The following CNTN6 variants were observed in gnomAD, a reference collection of about 807,000 sequenced individuals.
CNTN6 encodes contactin 6.
In CNTN6, 137 loss-of-function variants were observed where a neutral mutation model predicts 122.8. The observed-to-expected ratio is 1.12, with a 90% CI of 0.97 to 1.29. The LOEUF (loss-of-function observed/expected upper bound fraction) is 1.29. Ranked by LOEUF, CNTN6 falls within the 50% of genes most tolerant of loss-of-function variation. The probability of loss-of-function intolerance (pLI) is 0.00; values close to 1 mark genes in which losing one functional copy is unlikely to be tolerated. For missense variants in CNTN6, 1,634 were observed against 1,223.4 expected (o/e 1.34, Z -5.01); for synonymous variants, 570 against 426.0 (o/e 1.34, Z -4.16).
chr3:1,114,666 T>C (rs1030357163), intron 1 of CNTN6, among the ~76,000 whole-genome samples: 3 of 152,134 alleles, frequency 2.0e-5, no homozygotes, highest in Non-Finnish European at 2.9e-5. Context: ...AAGATAATTA[T>C]TGATGATGGT....
intron 2 of CNTN6, among the ~76,000 whole-genome samples, chr3:1,160,344 G>GTATGTATATATA (rs1158623079): frequency 9.0e-6 from 1 of 111,112 alleles, no homozygotes; most frequent in Non-Finnish European, 1.8e-5. Context: ...TACTTTTACT[G>GTATGTATATATA]TATATATATA....
At position 1,247,723 on chromosome 3, in the gene CNTN6, A is replaced by G. The variant is rs532975412; in HGVS notation, c.358+19730A>G. ...GAACCTGCATCAAGAGCAGTGGGTG[A>G]TTCCGTGGATTATAGTCCCCTCACA... On this transcript the variant is annotated intron_variant, in intron 4 of 22. Transcript: ENST00000446702. 5.3e-4 allele frequency among the ~76,000 whole-genome samples: 81 copies of G among 152,330 alleles called. 2 individuals carry two copies. Among genetic ancestry groups the G allele is most frequent in the Non-Finnish European group, 2.9e-5 (2 of 68,030 alleles).
intron 1 of CNTN6, among the ~76,000 whole-genome samples, chr3:1,098,675 A>C (rs924484254): frequency 6.0e-5 from 9 of 150,340 alleles, no homozygotes; most frequent in African/African-American, 2.2e-4. Context: ...TTTTTTAAAG[A>C]TGGGCAGTTT....
chr3:1,300,208 G>C (rs925395583), intron 7 of CNTN6, among the ~76,000 whole-genome samples: 1 of 152,040 alleles, frequency 6.6e-6, no homozygotes, highest in African/African-American at 2.4e-5. Flanking sequence ...GGATGGTCTC[G>C]ATCTGCTGAC....
intron 11 of CNTN6, among the ~76,000 whole-genome samples, chr3:1,345,402 C>T (rs1050447483): frequency 8.5e-5 from 13 of 152,134 alleles, no homozygotes; most frequent in African/African-American, 3.1e-4. Context: ...AGGCATGAAC[C>T]ACCATGCCCA....
Position 1,385,625 on chromosome 3 carries a change from A to G in CNTN6, c.2532A>G (p.Thr844=). The stretch of plus-strand genomic sequence containing the variant: ...TTAATTATCAGGTCTTATACTGGAC[A>G]GATGACTCCAAAGAATCCATGATAG... ...RVLGYEVLYW[T]DDSKESMIGK... is the part of the protein sequence containing the mutation. The change falls in exon 20 of 23, where the codon ACA becomes ACG. Residue 844 remains threonine (T), a synonymous_variant. Coordinates refer to ENST00000446702, the MANE Select transcript of CNTN6 (RefSeq NM_001289080.2). 6.2e-7 allele frequency: 1 copy of G among 1,613,720 alleles called. No individual in the cohort carries two copies. The highest frequency in any genetic ancestry group is 8.5e-7 in the Non-Finnish European group (1 of 1,179,754).
At position 1,385,748 on chromosome 3, in the gene CNTN6, T is replaced by TGGGACAGGGCCC. The variant is rs1692794003; in HGVS notation, c.2656_2667dup (p.Gly886_Pro889dup). 1 of 1,613,938 alleles carries TGGGACAGGGCCC rather than the reference T, an allele frequency of 6.2e-7. No individual in the cohort carries two copies. Among genetic ancestry groups the TGGGACAGGGCCC allele is most frequent in the Admixed American group, 1.7e-5 (1 of 59,984 alleles). On this transcript the variant is annotated inframe_insertion, in exon 20 of 23. Transcript: ENST00000446702. ...CTTCCGTAAGAGCTTACAACACTGCTGGGACAGGGCCCTCAAGCCCCCCAG... is the reference window on the plus strand; with the variant it reads ...CTTCCGTAAGAGCTTACAACACTGCTGGGACAGGGCCCGGGACAGGGCCCTCAAGCCCCCCAG...
chr3:1,294,453 G>A (rs961102), intron 5 of CNTN6, among the ~76,000 whole-genome samples: 67,963 of 151,934 alleles, frequency 0.45, 18,228 homozygotes, highest in East Asian at 0.78. Context: ...AACAGGGGAG[G>A]ATTTCTGAAG....
At chr3:1,278,578 T>G in intron 5 of CNTN6, 70 bp downstream of exon 5, 2 of 1,008,228 alleles carry the variant, frequency 2.0e-6, no homozygotes, top group Non-Finnish European at 3.0e-6. Flanking sequence ...ACATCAGGTC[T>G]TAGGCTCAGT....
chr3:1,347,030 C>T (rs1008201538), intron 11 of CNTN6, among the ~76,000 whole-genome samples: 1 of 152,138 alleles, frequency 6.6e-6, no homozygotes, highest in African/African-American at 2.4e-5. Flanking sequence ...CTGCCTTCAA[C>T]TTATCAGTTA....
chr3:1,291,935 C>G (rs1695396454), intron 5 of CNTN6, among the ~76,000 whole-genome samples: 1 of 152,022 alleles, frequency 6.6e-6, no homozygotes, highest in African/African-American at 2.4e-5. Context: ...ATACTTGATC[C>G]AAAAGTATAG....
At chr3:1,369,371 C>T (rs931716986) in intron 12 of CNTN6, among the ~76,000 whole-genome samples, 59 of 136,878 alleles carry the variant, frequency 4.3e-4, no homozygotes, top group African/African-American at 1.5e-3. Flanking sequence ...ATCTTTTTGA[C>T]TTGCTGCGGG....
intron 1 of CNTN6, among the ~76,000 whole-genome samples, chr3:1,126,206 C>T (rs760111173): frequency 1.4e-4 from 21 of 151,862 alleles, no homozygotes; most frequent in Non-Finnish European, 3.1e-4. Flanking sequence ...CTCCATTCCT[C>T]ACTGGAAAAT....
At chr3:1,128,940 T>C (rs1413848462) in intron 1 of CNTN6, among the ~76,000 whole-genome samples, 2 of 152,060 alleles carry the variant, frequency 1.3e-5, no homozygotes, top group African/African-American at 2.4e-5. Context: ...TTATCTTCTC[T>C]AATCTTCACT....
chr3:1,402,344 T>C lies in CNTN6; in HGVS notation c.2844T>C (p.Ser948=). The C allele has an allele frequency of 1.9e-6, 3 of 1,610,780 alleles. No individual in the cohort carries two copies. The highest frequency in any genetic ancestry group is 2.5e-6 in the Non-Finnish European group (3 of 1,178,566). ...YKILYRQNRQ[S]KTHILETNNT... Reference sequence around the variant, plus strand: ...TTCTGTACCGGCAAAACAGACAGAGTAAAACTCATATTTTGGAAACAAACA... The same window carrying C: ...TTCTGTACCGGCAAAACAGACAGAGCAAAACTCATATTTTGGAAACAAACA... The change falls in exon 22 of 23, where the codon AGT becomes AGC. Residue 948 remains serine, a synonymous_variant. Transcript: ENST00000446702.
At chr3:1,312,099 T>A (rs1004352309) in intron 7 of CNTN6, among the ~76,000 whole-genome samples, 1 of 152,026 alleles carries the variant, frequency 6.6e-6, no homozygotes, top group East Asian at 1.9e-4. Flanking sequence ...ATCTTGCCAG[T>A]TTCTCAAGAA....
At chr3:1,402,710 C>T (rs575744850) in intron 22 of CNTN6, 3 of 396,912 alleles carry the variant, frequency 7.6e-6, no homozygotes, top group South Asian at 6.5e-5. Flanking sequence ...AAAAAGAGAA[C>T]AGGAAAAAAA....
chr3:1,142,949 T>A (rs753343455), intron 1 of CNTN6, among the ~76,000 whole-genome samples: 20 of 144,504 alleles, frequency 1.4e-4, no homozygotes, highest in Non-Finnish European at 1.3e-4. Flanking sequence ...AAGATACATA[T>A]AAATTTGTGT....
intron 1 of CNTN6, among the ~76,000 whole-genome samples, chr3:1,101,258 T>TCA (rs2090879714): frequency 1.3e-5 from 2 of 152,202 alleles, no homozygotes; most frequent in South Asian, 4.1e-4. Flanking sequence ...AGCTATGTAA[T>TCA]GCAAAGGACC....
Sources: allele counts gnomAD v4.1 joint callset (sites outside exome capture counted in the v4.1 genomes callset), GRCh38; gene constraint gnomAD v4.1.1; transcripts MANE v1.5; gene names NCBI Gene and HGNC (gene_info 2026-07-23, HGNC 2026-07-21).